Variants in DOK3 observed in about 807,000 individuals in gnomAD.
DOK3 encodes docking protein 3.
In DOK3, 23 loss-of-function variants were observed where a neutral mutation model predicts 26.2. The observed-to-expected ratio is 0.88, with a 90% CI of 0.63 to 1.24. DOK3 has a LOEUF of 1.24. Ranked by LOEUF, DOK3 falls within the 50% of genes most tolerant of loss-of-function variation. DOK3 has a pLI of 0.00. For missense variants in DOK3, 619 were observed against 610.6 expected, an observed-to-expected ratio of 1.01 and a Z score of -0.15; for synonymous variants, 268 against 268.2, an observed-to-expected ratio of 1.00 and a Z score of 0.01.
chr5:177,506,797 T>C (rs935392457), intron 3 of DOK3, among the ~76,000 whole-genome samples: 1 of 149,816 alleles, frequency 6.7e-6, no homozygotes, highest in African/African-American at 2.5e-5. Context: ...CAAGCAATTC[T>C]GCCTGCCTCA....
At chr5:177,509,724 T>C in intron 1 of DOK3, 34 bp downstream of exon 1, 1 of 1,611,014 alleles carries the variant, frequency 6.2e-7, no homozygotes, top group South Asian at 1.1e-5. Flanking sequence ...ATTTCCTCCC[T>C]GGGGTTCTGG....
Position 177,503,404 on chromosome 5 carries a change from T to TG in DOK3, c.*578dup, listed in dbSNP as rs748947416. ...GTTCCCAGAAGTATCTGCAAATTGT[T>TG]GGAGTTTCAGCAGGGAACAAGTGTT... On this transcript the variant is annotated 3_prime_UTR_variant, in exon 6 of 6. Coordinates refer to ENST00000510898, the MANE Select transcript of DOK3 (RefSeq NM_001308236.3). 9 of 1,531,284 alleles carry TG rather than the reference T, an allele frequency of 5.9e-6. No individual in the cohort carries two copies. The South Asian group carries it at 8.4e-5, about 14-fold the overall frequency. The allele number at this position is 1,531,284 out of a possible 1,614,324, so 94.9% of individuals were successfully genotyped here. A position where few individuals can be genotyped will look rare whatever the true frequency, so the allele number is the denominator to read the frequency against.
rs1759594831 is a variant in DOK3 at position 177,503,584 on chromosome 5, G to A, written c.*399C>T. The A allele has an allele frequency of 9.2e-6, 12 of 1,305,898 alleles. 1 individual carries two copies. In the South Asian group the frequency reaches 1.9e-4, roughly 21 times the overall value. 80.9% of individuals were successfully genotyped at this position (1,305,898 alleles called of 1,614,324 possible). On this transcript the variant is annotated 3_prime_UTR_variant, in exon 6 of 6. Transcript: ENST00000510898. ...CAGCTCCCTCCGCCTGCCTCTTCGT[G>A]TCACTCGGCCGTGCAGAGCAACATG...
At chr5:177,506,685 CTTTTTTTTTTTT>C (rs55649685) in intron 3 of DOK3, among the ~76,000 whole-genome samples, 22 of 75,918 alleles carry the variant, frequency 2.9e-4, no homozygotes, top group African/African-American at 1.0e-3. Flanking sequence ...TTTTTCTTTT[CTTTTTTTTTTTT>C]TTTTTTTTGA....
At chr5:177,508,141 C>T (rs1406623773) in intron 3 of DOK3, 96 bp downstream of exon 3, 10 of 1,341,938 alleles carry the variant, frequency 7.5e-6, no homozygotes, top group South Asian at 3.3e-5. Context: ...TGTAGGTGCT[C>T]GGTGGAGCTT....
upstream of DOK3, chr5:177,509,989 C>A: frequency 8.9e-7 from 1 of 1,118,988 alleles, no homozygotes; most frequent in Non-Finnish European, 1.3e-6. Flanking sequence ...TTGAGCGCCT[C>A]ACCCCATCTT....
At position 177,502,519 on chromosome 5, in the gene DOK3, A is replaced by G. The variant is rs1759453232; in HGVS notation, c.*1464T>C. 1 of 154,848 alleles carries G rather than the reference A, an allele frequency of 6.5e-6. No individual in the cohort carries two copies. Among genetic ancestry groups the G allele is most frequent in the Non-Finnish European group, 1.4e-5 (1 of 69,838 alleles). 9.6% of individuals were successfully genotyped at this position (154,848 alleles called of 1,614,324 possible). A position where few individuals can be genotyped will look rare whatever the true frequency, so the allele number is the denominator to read the frequency against. On this transcript the variant is annotated 3_prime_UTR_variant, in exon 6 of 6. Transcript: ENST00000510898. ...ACAGCTGGGGACAGACACTGTTTCT[A>G]CTGTAGGGGTAGGAAGAAGACAGAT... is the stretch of plus-strand genomic sequence containing the variant.
In DOK3 at chr5:177,504,024, G is replaced by C; in HGVS notation, c.1282C>G (p.Arg428Gly). The C allele has an allele frequency of 5.7e-6, 9 of 1,579,360 alleles. No homozygotes were observed. Among genetic ancestry groups the C allele is most frequent in the Non-Finnish European group, 7.7e-6 (9 of 1,162,870 alleles). Residue 428 changes from arginine (R) to glycine (G), a missense_variant, in exon 6 of 6, where the codon CGT becomes GGT. By Grantham distance (125) the Arg-to-Gly change is moderately radical. Coordinates refer to ENST00000510898, the MANE Select transcript of DOK3 (RefSeq NM_001308236.3). ...FKAKLVTLLS[R>G]ERRKGPAPCD... ...GGGGCTGGGCCCTTCCTCCGCTCAC[G>C]ACTCAGCAGGGTCACCAGCTTGGCC...
chr5:177,502,846 G>C lies in DOK3; in HGVS notation c.*1137C>G, dbSNP rs1191610542. 3 of 577,392 alleles carry C rather than the reference G, an allele frequency of 5.2e-6. No homozygotes were observed. Among genetic ancestry groups the C allele is most frequent in the African/African-American group, 3.7e-5 (2 of 53,656 alleles). 35.8% of individuals were successfully genotyped at this position (577,392 alleles called of 1,614,324 possible). Reference sequence around the variant, plus strand: ...TAAGATGAAACGAGAGAGAACAGGGGGAAGGGACTATGGAGAACAAAGAGG... The same window carrying C: ...TAAGATGAAACGAGAGAGAACAGGGCGAAGGGACTATGGAGAACAAAGAGG... On this transcript the variant is annotated 3_prime_UTR_variant, in exon 6 of 6. Coordinates refer to ENST00000510898, the MANE Select transcript of DOK3 (RefSeq NM_001308236.3).
At position 177,503,057 on chromosome 5, in the gene DOK3, A is replaced by G; in HGVS notation, c.*926T>C. On this transcript the variant is annotated 3_prime_UTR_variant, in exon 6 of 6. Transcript: ENST00000510898. Reference sequence around the variant, plus strand: ...ATGAAAATGAGGTTCAGGATGTGCCAAGGGTGTGTGCAGCTGAGGTGGAGT... The same window carrying G: ...ATGAAAATGAGGTTCAGGATGTGCCGAGGGTGTGTGCAGCTGAGGTGGAGT... 6.5e-7 allele frequency: 1 copy of G among 1,538,412 alleles called. No homozygotes were observed. Among genetic ancestry groups the G allele is most frequent in the Non-Finnish European group, 8.8e-7 (1 of 1,137,638 alleles).
rs1166058810 is a variant in DOK3, at chr5:177,503,941, G to A, written c.*42C>T. ...CCCACCAGCCCACCCTCCTGTCCCA[G>A]GGGGAGCACCTCTCCCCTCTGGCCA... On this transcript the variant is annotated 3_prime_UTR_variant, in exon 6 of 6. Transcript: ENST00000510898. 7.4e-6 allele frequency: 11 copies of A among 1,495,200 alleles called. No homozygotes were observed. The highest frequency in any genetic ancestry group is 9.8e-6 in the Non-Finnish European group (11 of 1,122,400). 92.6% of individuals were successfully genotyped at this position (1,495,200 alleles called of 1,614,324 possible).
chr5:177,509,912 C>T (rs962198180), upstream of DOK3: 13 of 1,593,948 alleles, frequency 8.2e-6, no homozygotes, highest in Non-Finnish European at 9.4e-6. Flanking sequence ...CCTGACACTC[C>T]CTGGCCCTGC....
At chr5:177,509,699 C>A in intron 1 of DOK3, 42 bp from the exon 2 acceptor site, 1 of 1,604,696 alleles carries the variant, frequency 6.2e-7, no homozygotes, top group Non-Finnish European at 8.5e-7. Context: ...AGCTCAGGGG[C>A]TGGGGGCAGC....
In DOK3 at chr5:177,509,797, C is replaced by T. The variant is rs371809182; in HGVS notation, c.-157G>A. The T allele has an allele frequency of 7.4e-6, 12 of 1,612,028 alleles. No homozygotes were observed. The highest frequency in any genetic ancestry group is 4.5e-5 in the East Asian group (2 of 44,860). ...CGGCCACCTGAAGGCAGCCTTCTCA[C>T]GCACCTGGTTCAGCTGGGCACGCGC... On this transcript the variant is annotated 5_prime_UTR_variant, in exon 1 of 6. It adds an upstream start codon to the 5' untranslated region. Coordinates refer to ENST00000510898, the MANE Select transcript of DOK3 (RefSeq NM_001308236.3).
At chr5:177,505,222 C>T (rs749809592) in intron 3 of DOK3, 112 bp from the exon 4 acceptor site, 4 of 984,948 alleles carry the variant, frequency 4.1e-6, no homozygotes, top group Non-Finnish European at 5.9e-6. Flanking sequence ...GCCTGGGCTC[C>T]AGTTCCAGCT....
intron 3 of DOK3, among the ~76,000 whole-genome samples, chr5:177,506,545 G>A (rs1361073855): frequency 2.7e-5 from 4 of 146,356 alleles, no homozygotes; most frequent in Non-Finnish European, 6.2e-5. Context: ...CACCATGTTG[G>A]CCAGGCTGGT....
At chr5:177,504,711 G>GC in intron 5 of DOK3, 32 bp downstream of exon 5, 1 of 1,613,868 alleles carries the variant, frequency 6.2e-7, no homozygotes, top group Non-Finnish European at 8.5e-7. Context: ...CAGGGTGTCA[G>GC]CCCCTCACCC....
rs766584927 is a variant in DOK3, at chr5:177,504,833, G to A, written c.555C>T (p.Gly185=). The A allele has an allele frequency of 9.9e-6, 16 of 1,613,320 alleles. No individual in the cohort carries two copies. Among genetic ancestry groups the A allele is most frequent in the Non-Finnish European group, 8.5e-7 (1 of 1,179,706 alleles). The change falls in exon 5 of 6, where the codon GGC becomes GGT. Residue 185 remains glycine (G), a synonymous_variant. Coordinates refer to ENST00000510898, the MANE Select transcript of DOK3 (RefSeq NM_001308236.3). The part of the protein sequence containing the change: ...QLKGPALLVL[G]PDAIQLREAK... The stretch of plus-strand genomic sequence containing the variant: ...CCTCCCTCAGCTGGATGGCGTCTGG[G>A]CCCAGCACCAGCAGGGCCGGCCCCT...
chr5:177,504,752 G>A lies in DOK3; in HGVS notation c.636C>T (p.Gly212=). 1 of 1,614,052 alleles carries A rather than the reference G, an allele frequency of 6.2e-7. No individual in the cohort carries two copies. The highest frequency in any genetic ancestry group is 1.1e-5 in the South Asian group (1 of 91,090). The change falls in exon 5 of 6, where the codon GGC becomes GGT. Residue 212 remains glycine (G), a synonymous_variant. Transcript: ENST00000510898. ...SWPYHFLRKF[G]SDKGVFSFEA... is the part of the protein sequence containing the mutation. Reference sequence around the variant, plus strand: ...CACCCCTGCACCTCACCTTGTCGGAGCCGAACTTGCGCAGGAAGTGGTAGG... The same window carrying A: ...CACCCCTGCACCTCACCTTGTCGGAACCGAACTTGCGCAGGAAGTGGTAGG...
Sources: allele counts gnomAD v4.1 joint callset (sites outside exome capture counted in the v4.1 genomes callset), GRCh38; gene constraint gnomAD v4.1.1; transcripts MANE v1.5; gene names NCBI Gene and HGNC (gene_info 2026-07-23, HGNC 2026-07-21).